Variants in NFIA observed in about 807,000 individuals in gnomAD.
The protein encoded by NFIA is nuclear factor 1 A-type.
In NFIA, 8 loss-of-function variants were observed where a neutral mutation model predicts 62.8. The ratio of observed to expected loss-of-function variants is 0.13; its 90% confidence interval spans 0.07 to 0.23. NFIA has a LOEUF of 0.23. Ranked by LOEUF, NFIA falls within the 10% of genes least tolerant of loss-of-function variation. The pLI, the probability that NFIA is intolerant of heterozygous loss-of-function variation, is 1.00. For missense variants in NFIA, 410 were observed against 642.1 expected, an observed-to-expected ratio of 0.64 and a Z score of 3.91; for synonymous variants, 235 against 238.1, an observed-to-expected ratio of 0.99 and a Z score of 0.12.
chr1:61,350,420 T>G (rs1200186572), intron 4 of NFIA, among the ~76,000 whole-genome samples: 2 of 152,044 alleles, frequency 1.3e-5, no homozygotes, highest in Non-Finnish European at 2.9e-5. Context: ...CGCTTTAGAC[T>G]GGAAGTTCAA....
chr1:61,343,614 G>A (rs1278965848), intron 4 of NFIA, among the ~76,000 whole-genome samples: 3 of 152,176 alleles, frequency 2.0e-5, no homozygotes, highest in African/African-American at 7.2e-5. Flanking sequence ...CCTTGTTTTA[G>A]TTCATTGCCT....
rs1553173843 is a variant in NFIA, at chr1:61,330,436, A to ACCCCT, written c.626-2072_626-2071insTCCCC. On this transcript the variant is annotated intron_variant, in intron 3 of 10. Coordinates refer to ENST00000403491, the MANE Select transcript of NFIA (RefSeq NM_001134673.4). ...ATAAAATAACTTAGGAAATAGATACACCCCCCCCACACACACACACACACG... is the reference window on the plus strand; with the variant it reads ...ATAAAATAACTTAGGAAATAGATACACCCCTCCCCCCCCACACACACACACACACG... Among the ~76,000 whole-genome samples, 7 of 63,480 alleles carry ACCCCT rather than the reference A, an allele frequency of 1.1e-4. 1 individual carries two copies. Among genetic ancestry groups the ACCCCT allele is most frequent in the African/African-American group, 3.5e-4 (7 of 19,984 alleles). The allele number at this position is 63,480 out of a possible 152,430, so 41.6% of individuals were successfully genotyped here.
intron 5 of NFIA, among the ~76,000 whole-genome samples, chr1:61,355,030 C>T (rs1298527494): frequency 6.6e-6 from 1 of 152,124 alleles, no homozygotes; most frequent in East Asian, 1.9e-4. Context: ...AGGCATTTTG[C>T]AGTCTTAGGA....
intron 3 of NFIA, among the ~76,000 whole-genome samples, chr1:61,310,119 C>T (rs1466185631): frequency 6.6e-6 from 1 of 152,044 alleles, no homozygotes; most frequent in Non-Finnish European, 1.5e-5. Context: ...AGATGTATCT[C>T]AGGTGAAATG....
intron 2 of NFIA, among the ~76,000 whole-genome samples, chr1:61,200,068 GTA>G (rs1368262571): frequency 1.2e-4 from 5 of 40,316 alleles, no homozygotes; most frequent in African/African-American, 5.0e-4. Context: ...ATATATATAT[GTA>G]TGTATGTTGA....
intron 3 of NFIA, among the ~76,000 whole-genome samples, chr1:61,314,239 C>G (rs1660257173): frequency 6.6e-6 from 1 of 152,140 alleles, no homozygotes; most frequent in South Asian, 2.1e-4. Context: ...GAGCCTGCTT[C>G]CACTACCAGA....
At chr1:61,249,828 AG>A (rs1253247170) in intron 2 of NFIA, 1 of 152,206 alleles carries the variant, frequency 6.6e-6, no homozygotes, top group East Asian at 1.9e-4. Flanking sequence ...AAAGAAAAAA[AG>A]AATAATATTC....
rs1004865172 is a variant in NFIA at position 61,455,238 on chromosome 1, C to T, written c.1513-65C>T. 13 of 1,584,344 alleles carry T rather than the reference C, an allele frequency of 8.2e-6. No homozygotes were observed. In the Admixed American group the frequency reaches 1.2e-4, roughly 14 times the overall value. On this transcript the variant is annotated intron_variant, in intron 10 of 10. Coordinates refer to ENST00000403491, the MANE Select transcript of NFIA (RefSeq NM_001134673.4). ...GATCCTGATTTCGTGGTTGAAAAGG[C>T]AACTTCTAAAACACACGTTTTTACA...
In NFIA at chr1:61,368,708, A is replaced by G. The variant is rs147536017; in HGVS notation, c.946+9434A>G. Among the ~76,000 whole-genome samples the G allele has an allele frequency of 2.0e-3, 304 of 152,368 alleles. 4 individuals carry two copies. Among genetic ancestry groups the G allele is most frequent in the African/African-American group, 7.1e-3 (295 of 41,588 alleles). On this transcript the variant is annotated intron_variant, in intron 6 of 10. Transcript: ENST00000403491. ...TTTTAATATACGCAAAGTATATTTA[A>G]TAAATCAAAATGCTGTAAAGAAATA...
intron 3 of NFIA, among the ~76,000 whole-genome samples, chr1:61,331,069 G>A (rs1661277009): frequency 6.6e-6 from 1 of 152,116 alleles, no homozygotes. Context: ...GCTTACCAAA[G>A]CCAATTGAAT....
chr1:61,125,282 C>T (rs1646949221), intron 2 of NFIA: 1 of 152,134 alleles, frequency 6.6e-6, no homozygotes, highest in Admixed American at 6.5e-5. Context: ...CCTGAGATGA[C>T]AGTAGCGTCC....
chr1:61,390,082 C>A (rs772853851), intron 7 of NFIA, among the ~76,000 whole-genome samples: 2 of 152,138 alleles, frequency 1.3e-5, no homozygotes, highest in Non-Finnish European at 2.9e-5. Flanking sequence ...CACTGCTGTG[C>A]TAGAAGCACA....
intron 7 of NFIA, among the ~76,000 whole-genome samples, chr1:61,386,546 A>G (rs1291050741): frequency 6.6e-6 from 1 of 152,204 alleles, no homozygotes. Context: ...CCAGTTAGTA[A>G]GCAATAACTG....
In NFIA at chr1:61,275,063, C is replaced by T. The variant is rs141399428; in HGVS notation, c.560-2457C>T. On this transcript the variant is annotated intron_variant, in intron 2 of 10. Transcript: ENST00000403491. ...TAGTATGCAGTCCTCAGATGGATAGCGGTGTCTCCAGCTTTTGAATAAAAC... is the reference window on the plus strand; with the variant it reads ...TAGTATGCAGTCCTCAGATGGATAGTGGTGTCTCCAGCTTTTGAATAAAAC... Among the ~76,000 whole-genome samples the T allele has an allele frequency of 1.2e-4, 18 of 152,270 alleles. No individual in the cohort carries two copies. In the East Asian group the frequency reaches 3.1e-3, roughly 26 times the overall value.
chr1:61,448,557 T>C (rs1391021006), intron 10 of NFIA, among the ~76,000 whole-genome samples: 1 of 152,174 alleles, frequency 6.6e-6, no homozygotes, highest in Non-Finnish European at 1.5e-5. Flanking sequence ...CCACAAAAAC[T>C]GATACAGTTG....
intron 2 of NFIA, among the ~76,000 whole-genome samples, chr1:61,184,283 C>T (rs1410684347): frequency 2.0e-5 from 3 of 152,190 alleles, no homozygotes; most frequent in South Asian, 2.1e-4. Context: ...CCTTACATGG[C>T]GGCTGTATTT....
chr1:61,146,936 C>G (rs1373058332), intron 2 of NFIA, among the ~76,000 whole-genome samples: 1 of 152,116 alleles, frequency 6.6e-6, no homozygotes, highest in African/African-American at 2.4e-5. Context: ...TCAGGAAGGA[C>G]TGGTATCACA....
intron 4 of NFIA, among the ~76,000 whole-genome samples, chr1:61,347,363 T>C (rs6691830): frequency 0.41 from 61,800 of 151,154 alleles, 13,093 homozygotes; most frequent in African/African-American, 0.49. Flanking sequence ...TTAGCAGAGA[T>C]GGAGTTTCAC....
chr1:61,097,027 A>T (rs771703580), intron 2 of NFIA, among the ~76,000 whole-genome samples: 40 of 152,240 alleles, frequency 2.6e-4, no homozygotes, highest in Non-Finnish European at 5.3e-4. Context: ...CTGAACTTAC[A>T]GCAAAGAAAA....
Sources: allele counts gnomAD v4.1 joint callset (sites outside exome capture counted in the v4.1 genomes callset), GRCh38; gene constraint gnomAD v4.1.1; transcripts MANE v1.5; gene names NCBI Gene and HGNC (gene_info 2026-07-23, HGNC 2026-07-21).